Variants in BYSL observed in about 807,000 individuals in gnomAD.
BYSL encodes the protein bystin like.
A neutral mutation model predicts 45.4 loss-of-function variants in BYSL; 21 were observed. The ratio of observed to expected loss-of-function variants is 0.46; its 90% CI spans 0.33 to 0.67. BYSL has a LOEUF of 0.67. Among genes scored for constraint, BYSL ranks in the 30% least tolerant of loss-of-function variants. The pLI is 0.02. For missense variants in BYSL, 522 were observed against 578.5 expected (o/e 0.90, Z 1.00); for synonymous variants, 215 against 231.3 (o/e 0.93, Z 0.64).
chr6:41,932,600 A>G lies in BYSL; in HGVS notation c.1208A>G (p.Glu403Gly). ...ACAGACCAGAAAGAGGCCCTCTTAG[A>G]ACTGCTCCGGCTGCAGCCCCATCCA... ...LATDQKEALL[E>G]LLRLQPHPQL... The change falls in exon 7 of 7, where the codon GAA (glutamate) becomes GGA (glycine). Residue 403 changes from glutamate (E) to glycine (G), a missense_variant. Coordinates refer to ENST00000230340, the MANE Select transcript of BYSL (RefSeq NM_004053.4). The surrounding 1 kb of genome is among the most constrained non-coding windows in gnomAD (Gnocchi z 4.7). 6.2e-7 allele frequency: 1 copy of G among 1,614,162 alleles called. No homozygotes were observed. Among genetic ancestry groups the G allele is most frequent in the Non-Finnish European group, 8.5e-7 (1 of 1,180,034 alleles).
Position 41,921,631 on chromosome 6 carries a change from C to T in BYSL, c.69C>T (p.Ile23=), listed in dbSNP as rs745659269. ...AACATGCGCCCCTGGCCGATCAGAT[C>T]CTGGCTGGGAATGCGGTGCGGGCGG... The part of the protein sequence containing the change: ...QEKHAPLADQ[I]LAGNAVRAGV... The change falls in exon 1 of 7, where the codon ATC becomes ATT. Residue 23 remains isoleucine, a synonymous_variant. Transcript: ENST00000230340. The T allele has an allele frequency of 1.9e-6, 3 of 1,613,396 alleles. No homozygotes were observed. The highest frequency in any genetic ancestry group is 1.7e-5 in the Admixed American group (1 of 59,982).
upstream of BYSL, chr6:41,921,158 G>C (rs1775457162): frequency 9.0e-7 from 1 of 1,110,808 alleles, no homozygotes; most frequent in Admixed American, 2.6e-5. Context: ...AGAGCGCCGG[G>C]TCCACGCCTT....
intron 1 of BYSL, among the ~76,000 whole-genome samples, chr6:41,923,280 C>A (rs1469798660): frequency 2.0e-5 from 3 of 151,680 alleles, no homozygotes; most frequent in Non-Finnish European, 2.9e-5. Context: ...TAGCTGGGAC[C>A]ACAGGTGTGT....
chr6:41,909,805 T>C, the BYSL span, among the ~76,000 whole-genome samples: 1 of 152,192 alleles, frequency 6.6e-6, no homozygotes, highest in Non-Finnish European at 1.5e-5. Flanking sequence ...AATTCTTAAG[T>C]TGAGTGGTGG....
chr6:41,909,377 A>T, the BYSL span: 1 of 1,614,212 alleles, frequency 6.2e-7, no homozygotes, highest in Non-Finnish European at 8.5e-7. Flanking sequence ...TGCTGGCCTT[A>T]GCACTCTGGA....
At chr6:41,922,780 T>A (rs1183014241) in intron 1 of BYSL, among the ~76,000 whole-genome samples, 1 of 152,204 alleles carries the variant, frequency 6.6e-6, no homozygotes, top group Non-Finnish European at 1.5e-5. Context: ...CATCTCCAAT[T>A]TGAAATCTAA....
At chr6:41,925,197 C>CA in intron 1 of BYSL, among the ~76,000 whole-genome samples, 1 of 152,114 alleles carries the variant, frequency 6.6e-6, no homozygotes, top group Non-Finnish European at 1.5e-5. Context: ...AACGTGGAGA[C>CA]AAAATGTCTG....
At chr6:41,919,952 A>G (rs1775417272), upstream of BYSL, among the ~76,000 whole-genome samples, 1 of 152,220 alleles carries the variant, frequency 6.6e-6, no homozygotes, top group African/African-American at 2.4e-5. Flanking sequence ...TATTTCCCCT[A>G]CACATGCTTT....
the BYSL span, among the ~76,000 whole-genome samples, chr6:41,915,588 C>G: frequency 6.6e-6 from 1 of 152,118 alleles, no homozygotes; most frequent in Non-Finnish European, 1.5e-5. Context: ...GAGATCAAGA[C>G]CATCCTGGCT....
upstream of BYSL, chr6:41,916,675 C>T: frequency 7.4e-7 from 1 of 1,348,142 alleles, no homozygotes; most frequent in Non-Finnish European, 1.0e-6. Context: ...CATCTCGCCA[C>T]ATGTTTAAGA....
intron 2 of BYSL, among the ~76,000 whole-genome samples, chr6:41,928,152 C>T (rs1485059751): frequency 1.3e-5 from 2 of 152,178 alleles, no homozygotes; most frequent in Non-Finnish European, 2.9e-5. Context: ...TAAATGCTAG[C>T]TCCAAAACAT....
upstream of BYSL, chr6:41,921,497 G>C: frequency 4.7e-6 from 7 of 1,496,650 alleles, no homozygotes; most frequent in Non-Finnish European, 6.2e-6. Context: ...AGTCCACCGC[G>C]CAAGCGCATC....
intron 1 of BYSL, among the ~76,000 whole-genome samples, chr6:41,923,355 G>A (rs1775518902): frequency 6.7e-6 from 1 of 149,986 alleles, no homozygotes; most frequent in Non-Finnish European, 1.5e-5. Flanking sequence ...GTAGTGCAGT[G>A]GCGCAATCTT....
At chr6:41,921,226 T>G, upstream of BYSL, 1 of 678,550 alleles carries the variant, frequency 1.5e-6, no homozygotes, top group Non-Finnish European at 2.4e-6. Context: ...TGACATCATC[T>G]GCGGATTCCC....
upstream of BYSL, chr6:41,916,903 A>C: frequency 3.7e-6 from 6 of 1,614,014 alleles, no homozygotes; most frequent in Non-Finnish European, 5.1e-6. Context: ...CGGTTTGCTG[A>C]ACACTCTTGC....
chr6:41,931,354 T>C, intron 4 of BYSL, 42 bp from the exon 5 acceptor site: 1 of 1,610,036 alleles, frequency 6.2e-7, no homozygotes, highest in South Asian at 1.1e-5. Context: ...GGGTCCAGAC[T>C]GTCGTGTGAG....
intron 1 of BYSL, among the ~76,000 whole-genome samples, chr6:41,924,318 G>T (rs1454280467): frequency 6.6e-6 from 1 of 151,628 alleles, no homozygotes; most frequent in African/African-American, 2.4e-5. Flanking sequence ...TGATCCACCC[G>T]CCTCGGCCTC....
intron 1 of BYSL, among the ~76,000 whole-genome samples, chr6:41,922,686 C>T (rs894780213): frequency 1.8e-4 from 27 of 152,328 alleles, no homozygotes; most frequent in Middle Eastern, 3.4e-3. Context: ...TAAATACCAT[C>T]CTTGAGTGAC....
At chr6:41,927,682 C>A in intron 2 of BYSL, 146 bp downstream of exon 2, 1 of 886,208 alleles carries the variant, frequency 1.1e-6, no homozygotes, top group Non-Finnish European at 1.7e-6. Context: ...ACTGGCCCAT[C>A]CTCAAAGGAC....
Sources: allele counts gnomAD v4.1 joint callset (sites outside exome capture counted in the v4.1 genomes callset), GRCh38; gene constraint gnomAD v4.1.1; non-coding constraint Gnocchi (gnomAD v3.1); transcripts MANE v1.5; gene names NCBI Gene and HGNC (gene_info 2026-07-23, HGNC 2026-07-21).